MINDY2: variants seen among roughly 807,000 people sequenced by gnomAD.
The protein encoded by MINDY2 is ubiquitin carboxyl-terminal hydrolase MINDY-2.
Under a neutral mutation model 68.2 loss-of-function variants are expected in MINDY2, and 52 were observed. That is an observed-to-expected ratio of 0.76 (90% CI 0.61 to 0.96). The LOEUF (loss-of-function observed/expected upper bound fraction) is 0.96, where lower values mean the gene tolerates loss of function less well. Ranked by LOEUF, MINDY2 falls within the 40% of genes least tolerant of loss-of-function variation. The pLI, the probability that MINDY2 is intolerant of heterozygous loss-of-function variation, is 0.00. For missense variants in MINDY2, 881 were observed against 773.4 expected, an observed-to-expected ratio of 1.14 and a Z score of -1.65; for synonymous variants, 372 against 303.0, an observed-to-expected ratio of 1.23 and a Z score of -2.36.
In MINDY2 at chr15:58,808,849, C is replaced by A. The variant is rs185581416; in HGVS notation, c.964-1381C>A. Among the ~76,000 whole-genome samples, 9 of 152,314 alleles carry A rather than the reference C, an allele frequency of 5.9e-5. No individual in the cohort carries two copies. In the East Asian group the frequency reaches 1.7e-3, roughly 29 times the overall value. On this transcript the variant is annotated intron_variant, in intron 3 of 8. Coordinates refer to ENST00000559228, the MANE Select transcript of MINDY2 (RefSeq NM_001040450.3). Reference sequence around the variant, plus strand: ...TTGATCTCCTGACCTCGTGATCCACCCGCCTCAGCCTCCCAAAGTGCTGGG... The same window carrying A: ...TTGATCTCCTGACCTCGTGATCCACACGCCTCAGCCTCCCAAAGTGCTGGG...
intron 5 of MINDY2, among the ~76,000 whole-genome samples, chr15:58,826,976 A>G (rs1397987723): frequency 6.6e-6 from 1 of 151,618 alleles, no homozygotes; most frequent in Non-Finnish European, 1.5e-5. Context: ...TTGACTTTTT[A>G]AAATAGTCCA....
At chr15:58,833,491 C>A (rs1401856272) in intron 6 of MINDY2, among the ~76,000 whole-genome samples, 1 of 152,056 alleles carries the variant, frequency 6.6e-6, no homozygotes, top group Admixed American at 6.6e-5. Context: ...GGATCCACGC[C>A]GGCACCGGCC....
At chr15:58,831,614 A>T (rs550877217) in intron 5 of MINDY2, among the ~76,000 whole-genome samples, 160 bp from the exon 6 acceptor site, 1 of 152,352 alleles carries the variant, frequency 6.6e-6, no homozygotes, top group Non-Finnish European at 1.5e-5. Flanking sequence ...TTGCAAAATT[A>T]AAAACACAAA....
At chr15:58,854,363 A>C in intron 8 of MINDY2, 119 bp from the exon 9 acceptor site, 2 of 1,069,246 alleles carry the variant, frequency 1.9e-6, no homozygotes, top group Non-Finnish European at 2.6e-6. Flanking sequence ...GTATGCCAAT[A>C]GCTAGCTTCT....
intron 5 of MINDY2, among the ~76,000 whole-genome samples, chr15:58,829,950 T>A (rs2031622356): frequency 6.6e-6 from 1 of 152,228 alleles, no homozygotes; most frequent in Non-Finnish European, 1.5e-5. Context: ...TGTTGAAGTG[T>A]TAGTTTCATA....
intron 6 of MINDY2, among the ~76,000 whole-genome samples, chr15:58,834,152 G>T (rs2031881681): frequency 6.6e-6 from 1 of 152,164 alleles, no homozygotes; most frequent in African/African-American, 2.4e-5. Flanking sequence ...ACGTTTCAGG[G>T]AGCACAGGGT....
At position 58,852,287 on chromosome 15, in the gene MINDY2, CA is replaced by C. The variant is rs60365490; in HGVS notation, c.1737+340del. Among the ~76,000 whole-genome samples the C allele has an allele frequency of 2.0e-3, 122 of 61,922 alleles. 1 individual carries two copies. Among genetic ancestry groups the C allele is most frequent in the African/African-American group, 6.0e-3 (100 of 16,592 alleles). The allele number at this position is 61,922 out of a possible 152,430, so 40.6% of individuals were successfully genotyped here. A position where few individuals can be genotyped will look rare whatever the true frequency, so the allele number is the denominator to read the frequency against. On this transcript the variant is annotated intron_variant, in intron 8 of 8. Transcript: ENST00000559228. ...AGGATGATAGAGCAAGACTCCTTCT[CA>C]AAAAAAAAAAAAAAAAAGATGATCA...
intron 1 of MINDY2, among the ~76,000 whole-genome samples, chr15:58,777,479 C>T (rs1900845746): frequency 6.6e-6 from 1 of 151,920 alleles, no homozygotes; most frequent in African/African-American, 2.4e-5. Flanking sequence ...CATTCATAAT[C>T]TATTAAGTAG....
intron 2 of MINDY2, among the ~76,000 whole-genome samples, chr15:58,801,701 G>A (rs942841961): frequency 8.5e-5 from 13 of 152,144 alleles, no homozygotes; most frequent in Middle Eastern, 3.4e-3. Flanking sequence ...GTGCAGTGGC[G>A]CGATCTCGGC....
At chr15:58,776,408 G>A (rs912523959) in intron 1 of MINDY2, among the ~76,000 whole-genome samples, 7 of 152,136 alleles carry the variant, frequency 4.6e-5, no homozygotes, top group African/African-American at 1.7e-4. Flanking sequence ...GAATATTAAG[G>A]GTGAGAGAGT....
At chr15:58,833,850 T>A (rs1279886171) in intron 6 of MINDY2, among the ~76,000 whole-genome samples, 1 of 151,980 alleles carries the variant, frequency 6.6e-6, no homozygotes, top group Non-Finnish European at 1.5e-5. Context: ...CCTTCCTCTT[T>A]TACTAATCTT....
At chr15:58,783,922 G>A (rs1430621562) in intron 1 of MINDY2, among the ~76,000 whole-genome samples, 4 of 152,118 alleles carry the variant, frequency 2.6e-5, no homozygotes, top group Non-Finnish European at 5.9e-5. Context: ...CTCCAGCCTG[G>A]ACGATAGAAT....
intron 5 of MINDY2, among the ~76,000 whole-genome samples, chr15:58,827,625 G>A (rs1448604472): frequency 6.6e-6 from 1 of 151,954 alleles, no homozygotes; most frequent in Non-Finnish European, 1.5e-5. Context: ...CACCACGGCC[G>A]GCTAATTTTT....
intron 4 of MINDY2, among the ~76,000 whole-genome samples, chr15:58,820,078 C>G (rs545980444): frequency 6.6e-6 from 1 of 152,168 alleles, no homozygotes; most frequent in Non-Finnish European, 1.5e-5. Flanking sequence ...CCATCCTGGC[C>G]AACATAGTGA....
Position 58,801,258 on chromosome 15 carries a change from G to A in MINDY2, c.899-1055G>A, listed in dbSNP as rs574877360. Among the ~76,000 whole-genome samples, 4 of 151,886 alleles carry A rather than the reference G, an allele frequency of 2.6e-5. No individual in the cohort carries two copies. The East Asian group carries it at 7.8e-4, about 29-fold the overall frequency. ...CAATGTGCTGGGATTATAGGCATGA[G>A]CCATCATGCCCAGCCCAGTTTAGCT... On this transcript the variant is annotated intron_variant, in intron 2 of 8. Coordinates refer to ENST00000559228, the MANE Select transcript of MINDY2 (RefSeq NM_001040450.3).
chr15:58,775,271 A>G (rs552698808), intron 1 of MINDY2, among the ~76,000 whole-genome samples: 1 of 152,284 alleles, frequency 6.6e-6, no homozygotes, highest in Admixed American at 6.5e-5. Context: ...CACATAGATG[A>G]AAGTTATTGG....
At chr15:58,817,802 T>C (rs1384851328) in intron 4 of MINDY2, 1 of 152,240 alleles carries the variant, frequency 6.6e-6, no homozygotes, top group African/African-American at 2.4e-5. Flanking sequence ...TCTCATTCCT[T>C]GTGATGAGAG....
In MINDY2 at chr15:58,831,978, G is replaced by T. The variant is rs1231377045; in HGVS notation, c.1368+62G>T. The T allele has an allele frequency of 7.5e-6, 11 of 1,460,152 alleles. No individual in the cohort carries two copies. The Admixed American group carries it at 2.1e-4, about 28-fold the overall frequency. 90.4% of individuals were successfully genotyped at this position (1,460,152 alleles called of 1,614,324 possible). A position where few individuals can be genotyped will look rare whatever the true frequency, so the allele number is the denominator to read the frequency against. On this transcript the variant is annotated intron_variant, in intron 6 of 8. Coordinates refer to ENST00000559228, the MANE Select transcript of MINDY2 (RefSeq NM_001040450.3). The stretch of plus-strand genomic sequence containing the variant: ...AATCAAAGGAGCTTGATTTAGAGTT[G>T]TCTTTTGATCTGCTTATAAATAAAA...
chr15:58,779,319 C>A (rs1900984430), intron 1 of MINDY2, among the ~76,000 whole-genome samples: 1 of 152,232 alleles, frequency 6.6e-6, no homozygotes, highest in Non-Finnish European at 1.5e-5. Context: ...ATTGTCTCAT[C>A]ACCTGCAAAG....
Sources: gnomAD v4.1 joint callset for allele counts (sites outside exome capture counted in the v4.1 genomes callset) on GRCh38, gnomAD v4.1.1 for gene constraint, MANE v1.5 for transcripts, NCBI Gene and HGNC (gene_info 2026-07-23, HGNC 2026-07-21) for gene names.